PDE11A: variants seen among roughly 807,000 people sequenced by gnomAD.
PDE11A encodes the protein dual 3',5'-cyclic-AMP and -GMP phosphodiesterase 11A.
Under a neutral mutation model 100.5 loss-of-function variants are expected in PDE11A, and 100 were observed. That is an observed-to-expected ratio of 1.00 (90% CI 0.85 to 1.18). The LOEUF is 1.18. Among genes scored for constraint, PDE11A ranks in the 50% most tolerant of loss-of-function variants. The pLI, the probability that PDE11A is intolerant of heterozygous loss-of-function variation, is 0.00. For synonymous variants in PDE11A, 381 were observed against 420.8 expected (o/e 0.91, Z 1.16); for missense variants, 1,141 against 1,152.6 (o/e 0.99, Z 0.15).
chr2:177,636,003 G>A (rs1296143182), intron 19 of PDE11A, among the ~76,000 whole-genome samples: 4 of 151,974 alleles, frequency 2.6e-5, no homozygotes, highest in Admixed American at 1.3e-4. Flanking sequence ...CTCTCCATAG[G>A]TGTGAAGTTT....
chr2:177,710,471 C>T (rs538038581), intron 13 of PDE11A, among the ~76,000 whole-genome samples: 9 of 152,166 alleles, frequency 5.9e-5, no homozygotes, highest in Non-Finnish European at 1.0e-4. Flanking sequence ...AGACTGGCAG[C>T]GAGTTCTAGC....
chr2:177,933,110 C>G (rs1287582208), intron 2 of PDE11A, among the ~76,000 whole-genome samples: 11 of 151,160 alleles, frequency 7.3e-5, no homozygotes, highest in Non-Finnish European at 1.6e-4. Context: ...CCTAGGAATA[C>G]ATCTAACCAA....
rs182744684 is a variant in PDE11A, at chr2:178,065,801, C to A, written c.912+5725G>T. 2.6e-5 allele frequency among the ~76,000 whole-genome samples: 4 copies of A among 152,180 alleles called. No individual in the cohort carries two copies. The East Asian group carries it at 7.7e-4, about 29-fold the overall frequency. ...ACCATATCTATCAGCACTGGCTCAT[C>A]AGGGAACGAAGCACTCTCATCGCTG... On this transcript the variant is annotated intron_variant, in intron 1 of 19. Transcript: ENST00000286063.
At chr2:177,916,364 G>T (rs1210157541) in intron 2 of PDE11A, among the ~76,000 whole-genome samples, 3 of 152,132 alleles carry the variant, frequency 2.0e-5, no homozygotes, top group Non-Finnish European at 4.4e-5. Context: ...TTGAACTTTG[G>T]TCTGTCACGA....
intron 10 of PDE11A, among the ~76,000 whole-genome samples, chr2:177,739,736 C>T (rs1000125730): frequency 5.3e-5 from 8 of 152,172 alleles, no homozygotes; most frequent in African/African-American, 1.2e-4. Flanking sequence ...ATATTTTTCA[C>T]GGTCCCTCTA....
chr2:177,714,686 C>T (rs766214539), intron 12 of PDE11A, among the ~76,000 whole-genome samples: 4 of 152,336 alleles, frequency 2.6e-5, no homozygotes, highest in Non-Finnish European at 4.4e-5. Flanking sequence ...TATCATTCAC[C>T]GCTGAGCCAA....
chr2:177,873,945 T>C (rs980298671), intron 5 of PDE11A, among the ~76,000 whole-genome samples: 3 of 152,194 alleles, frequency 2.0e-5, no homozygotes, highest in African/African-American at 4.8e-5. Context: ...TTAGAACATA[T>C]AGACCTTTAG....
At chr2:177,902,321 C>T (rs368208995) in intron 3 of PDE11A, among the ~76,000 whole-genome samples, 1 of 151,824 alleles carries the variant, frequency 6.6e-6, no homozygotes, top group Non-Finnish European at 1.5e-5. Context: ...CTATAAGAAA[C>T]AATGATAATC....
chr2:177,989,139 A>G (rs974894121), intron 2 of PDE11A, among the ~76,000 whole-genome samples: 7 of 152,230 alleles, frequency 4.6e-5, no homozygotes. Context: ...GGCCTTCAAT[A>G]CTGTCATACA....
rs541989962 is a variant in PDE11A at position 177,839,797 on chromosome 2, G to A, written c.1500+454C>T. On this transcript the variant is annotated intron_variant, in intron 6 of 19. Transcript: ENST00000286063. The stretch of plus-strand genomic sequence containing the variant: ...ATTATCAGTTCATGTGAATTTATCT[G>A]TATGATACTCTACACTACCTTAGAA... Among the ~76,000 whole-genome samples the A allele has an allele frequency of 2.6e-5, 4 of 152,276 alleles. No individual in the cohort carries two copies. In the South Asian group the frequency reaches 8.3e-4, roughly 32 times the overall value.
At chr2:178,045,766 G>A (rs2086741685) in intron 1 of PDE11A, among the ~76,000 whole-genome samples, 1 of 152,128 alleles carries the variant, frequency 6.6e-6, no homozygotes, top group East Asian at 1.9e-4. Flanking sequence ...CACAATTGTT[G>A]GGATCTTCGC....
chr2:177,832,239 A>C (rs1370497861), intron 6 of PDE11A, among the ~76,000 whole-genome samples: 1 of 152,212 alleles, frequency 6.6e-6, no homozygotes, highest in Non-Finnish European at 1.5e-5. Flanking sequence ...GTGTGTCTGT[A>C]AGGGTGTTAC....
At chr2:178,029,778 A>C (rs932396099) in intron 1 of PDE11A, among the ~76,000 whole-genome samples, 1 of 152,196 alleles carries the variant, frequency 6.6e-6, no homozygotes, top group Non-Finnish European at 1.5e-5. Flanking sequence ...TTTAATTGCC[A>C]TTGTGATGAT....
chr2:177,734,406 T>C (rs138505237), intron 10 of PDE11A, among the ~76,000 whole-genome samples: 85 of 152,290 alleles, frequency 5.6e-4, no homozygotes, highest in East Asian at 2.5e-3. Context: ...AGTAAGTTTT[T>C]GCTTGATCAC....
intron 5 of PDE11A, among the ~76,000 whole-genome samples, chr2:177,856,349 T>A (rs1332335789): frequency 6.6e-6 from 1 of 152,094 alleles, no homozygotes; most frequent in Non-Finnish European, 1.5e-5. Flanking sequence ...CACATTACAT[T>A]ATTTAAAACA....
intron 2 of PDE11A, among the ~76,000 whole-genome samples, chr2:177,958,885 G>C (rs2085597578): frequency 6.6e-6 from 1 of 152,114 alleles, no homozygotes; most frequent in African/African-American, 2.4e-5. Flanking sequence ...TTAATAGATT[G>C]ACTAATTGAA....
At chr2:177,997,273 A>G in intron 2 of PDE11A, 2 of 1,170,594 alleles carry the variant, frequency 1.7e-6, no homozygotes, top group South Asian at 2.5e-5. Context: ...GGCTCCTCTC[A>G]TAATTAAAGT....
At position 177,727,652 on chromosome 2, in the gene PDE11A, A is replaced by G; in HGVS notation, c.2043+6T>C. On this transcript the variant is annotated splice_donor_region_variant and intron_variant, in intron 12 of 19. Transcript: ENST00000286063. Reference sequence around the variant, plus strand: ...ATGATCTTCCACCATCACTAAGCACACTTACGGTTAACATCGCGAACATCA... The same window carrying G: ...ATGATCTTCCACCATCACTAAGCACGCTTACGGTTAACATCGCGAACATCA... 1 of 1,510,002 alleles carries G rather than the reference A, an allele frequency of 6.6e-7. No individual in the cohort carries two copies. The highest frequency in any genetic ancestry group is 9.2e-7 in the Non-Finnish European group (1 of 1,085,068). 93.5% of individuals were successfully genotyped at this position (1,510,002 alleles called of 1,614,324 possible).
intron 18 of PDE11A, among the ~76,000 whole-genome samples, chr2:177,667,058 C>A (rs1473433720): frequency 6.6e-6 from 1 of 151,998 alleles, no homozygotes; most frequent in African/African-American, 2.4e-5. Context: ...GCTGGGGTTA[C>A]AGGTGCTTGC....
Sources: allele counts gnomAD v4.1 joint callset (sites outside exome capture counted in the v4.1 genomes callset), GRCh38; gene constraint gnomAD v4.1.1; transcripts MANE v1.5; gene names NCBI Gene and HGNC (gene_info 2026-07-23, HGNC 2026-07-21).